The following CDH13 variants were observed in gnomAD, a reference collection of about 807,000 sequenced individuals.
CDH13 encodes cadherin 13.
CDH13 carries 24 observed loss-of-function variants against 63.8 expected under a neutral mutation model. That is an observed-to-expected ratio of 0.38 (90% CI 0.27 to 0.53). The LOEUF (loss-of-function observed/expected upper bound fraction) is 0.53, where lower values mean the gene tolerates loss of function less well. Ranked by LOEUF, CDH13 falls within the 20% of genes least tolerant of loss-of-function variation. The pLI is 0.85. For synonymous variants in CDH13, 503 were observed against 355.3 expected (o/e 1.42, Z -4.67); for missense variants, 1,049 against 903.1 (o/e 1.16, Z -2.07).
chr16:83,021,935 A>G (rs186070303), intron 2 of CDH13, among the ~76,000 whole-genome samples: 3 of 152,202 alleles, frequency 2.0e-5, no homozygotes, highest in African/African-American at 4.8e-5. Flanking sequence ...ATCTGACCCA[A>G]TGTGGGTGGA....
intron 8 of CDH13, among the ~76,000 whole-genome samples, chr16:83,605,404 A>T (rs1157578371): frequency 6.6e-6 from 1 of 152,180 alleles, no homozygotes; most frequent in African/African-American, 2.4e-5. Context: ...GGATAGTAAC[A>T]CTGCTGGGGG....
intron 3 of CDH13, among the ~76,000 whole-genome samples, chr16:83,056,386 GAAACA>G (rs1443401931): frequency 6.6e-6 from 1 of 151,036 alleles, no homozygotes; most frequent in Non-Finnish European, 1.5e-5. Flanking sequence ...CTAAAAACTG[GAAACA>G]ACTCAAAAGT....
intron 5 of CDH13, among the ~76,000 whole-genome samples, chr16:83,290,164 T>A (rs2089431276): frequency 6.6e-6 from 1 of 152,210 alleles, no homozygotes; most frequent in Non-Finnish European, 1.5e-5. Flanking sequence ...TTCTCCTCCT[T>A]GCTGCTGTGC....
Position 83,047,006 on chromosome 16 carries a change from T to G in CDH13, c.366+14788T>G, listed in dbSNP as rs111377717. 1.7e-3 allele frequency among the ~76,000 whole-genome samples: 262 copies of G among 152,324 alleles called. 1 individual carries two copies. Among genetic ancestry groups the G allele is most frequent in the African/African-American group, 6.1e-3 (252 of 41,580 alleles). ...GATGGTTTCCTCAACTGTCTATCTT[T>G]CTGCAGCAAATCCTTTGACAGAGAA... On this transcript the variant is annotated intron_variant, in intron 3 of 13. Transcript: ENST00000567109. This position sits in a 1 kb window ranked among gnomAD's most constrained non-coding sequence, Gnocchi z 4.9.
chr16:83,478,162 A>AAAC (rs2073658368), intron 6 of CDH13, among the ~76,000 whole-genome samples: 1 of 151,096 alleles, frequency 6.6e-6, no homozygotes, highest in African/African-American at 2.4e-5. Context: ...TCCGTCTCAA[A>AAAC]AAAAAAAAAA....
chr16:83,301,296 G>C (rs1049249772), intron 5 of CDH13, among the ~76,000 whole-genome samples: 2 of 152,072 alleles, frequency 1.3e-5, no homozygotes, highest in South Asian at 2.1e-4. Flanking sequence ...CTCCCAAAGT[G>C]CAGGGATTAC....
At chr16:83,164,175 T>G (rs8057098) in intron 4 of CDH13, among the ~76,000 whole-genome samples, 33,117 of 152,016 alleles carry the variant, frequency 0.22, 4,997 homozygotes, top group African/African-American at 0.43. Flanking sequence ...AGTGGTTAGT[T>G]CTTTACATGC....
intron 4 of CDH13, among the ~76,000 whole-genome samples, chr16:83,214,332 C>A (rs892533912): frequency 1.1e-4 from 16 of 151,972 alleles, no homozygotes; most frequent in Non-Finnish European, 1.3e-4. Context: ...GTAATCCCAG[C>A]ACTTTGGGAG....
intron 2 of CDH13, among the ~76,000 whole-genome samples, chr16:82,918,883 C>T (rs1225258295): frequency 6.6e-6 from 1 of 151,994 alleles, no homozygotes; most frequent in Non-Finnish European, 1.5e-5. Flanking sequence ...ATAAAGCCAC[C>T]CAGAGTATAT....
Position 83,224,070 on chromosome 16 carries a change from A to G in CDH13, c.636+6573A>G, listed in dbSNP as rs142350658. Among the ~76,000 whole-genome samples the G allele has an allele frequency of 2.3e-3, 353 of 152,324 alleles. 1 individual carries two copies. The highest frequency in any genetic ancestry group is 6.6e-3 in the African/African-American group (276 of 41,570). ...CATCCTCACAACTTAGCTCCTAATT[A>G]TGAGTGAGAACATATGATGTTTGGT... is the stretch of plus-strand genomic sequence containing the variant. On this transcript the variant is annotated intron_variant, in intron 5 of 13. Coordinates refer to ENST00000567109, the MANE Select transcript of CDH13 (RefSeq NM_001257.5).
chr16:83,562,187 G>A lies in CDH13; in HGVS notation c.961-40267G>A, dbSNP rs549712781. Among the ~76,000 whole-genome samples the A allele has an allele frequency of 6.6e-5, 10 of 152,256 alleles. 1 individual carries two copies. In the East Asian group the frequency reaches 1.9e-3, roughly 29 times the overall value. ...AGGCTCTGACATAGTGGAACTCTGG[G>A]TGCCAAAGGGATAGTTCAGAACAGG... On this transcript the variant is annotated intron_variant, in intron 7 of 13. Coordinates refer to ENST00000567109, the MANE Select transcript of CDH13 (RefSeq NM_001257.5).
At chr16:82,701,175 C>T (rs74028558) in intron 1 of CDH13, among the ~76,000 whole-genome samples, 10,488 of 152,138 alleles carry the variant, frequency 0.069, 585 homozygotes, top group African/African-American at 0.16. Context: ...TCACCTTCTA[C>T]TAATATTAGC....
intron 2 of CDH13, among the ~76,000 whole-genome samples, chr16:82,990,831 G>A (rs1455527984): frequency 6.6e-6 from 1 of 152,142 alleles, no homozygotes; most frequent in Non-Finnish European, 1.5e-5. Context: ...GTGAGCCACT[G>A]TGCCCCACAG....
chr16:83,390,356 G>C (rs1302284966), intron 6 of CDH13, among the ~76,000 whole-genome samples: 5 of 152,108 alleles, frequency 3.3e-5, no homozygotes, highest in Non-Finnish European at 7.3e-5. Context: ...AATTTACGTA[G>C]ATACTATGGA....
Position 82,644,885 on chromosome 16 carries a change from G to T in CDH13, c.45+17748G>T, listed in dbSNP as rs757730151. Among the ~76,000 whole-genome samples the T allele has an allele frequency of 6.6e-6, 1 of 152,182 alleles. No homozygotes were observed. The highest frequency in any genetic ancestry group is 2.4e-5 in the African/African-American group (1 of 41,440). The stretch of plus-strand genomic sequence containing the variant: ...TGAAGAGATACTGGTTCCATGGGAG[G>T]TTAATATGGGTTCTGGGGAAAAAAA... On this transcript the variant is annotated intron_variant, in intron 1 of 13. Transcript: ENST00000567109. This position sits in a 1 kb window ranked among gnomAD's most constrained non-coding sequence, Gnocchi z 5.7.
At chr16:83,236,884 C>G (rs2040160314) in intron 5 of CDH13, among the ~76,000 whole-genome samples, 1 of 151,976 alleles carries the variant, frequency 6.6e-6, no homozygotes, top group Non-Finnish European at 1.5e-5. Context: ...TGGAACTAGA[C>G]AGAGGTGGTG....
At chr16:83,457,647 AGAGATGAGTTCAGGGCTT>A (rs772360890) in intron 6 of CDH13, among the ~76,000 whole-genome samples, 58 of 152,268 alleles carry the variant, frequency 3.8e-4, no homozygotes, top group Non-Finnish European at 4.9e-4. Flanking sequence ...TCTGCTTTAG[AGAGATGAGTTCAGGGCTT>A]GAGGCTGAAA....
At chr16:83,534,615 G>C (rs576848730) in intron 7 of CDH13, among the ~76,000 whole-genome samples, 95 of 152,178 alleles carry the variant, frequency 6.2e-4, no homozygotes, top group African/African-American at 2.3e-3. Context: ...TGTAAGGTAC[G>C]TCATAGTGTT....
chr16:82,764,419 T>A (rs1337535876), intron 1 of CDH13, among the ~76,000 whole-genome samples: 3 of 152,076 alleles, frequency 2.0e-5, no homozygotes, highest in Non-Finnish European at 4.4e-5. Context: ...AAACTAGAAA[T>A]GGAAAGGGAA....
Sources: gnomAD v4.1 joint callset for allele counts (sites outside exome capture counted in the v4.1 genomes callset) on GRCh38, gnomAD v4.1.1 for gene constraint, Gnocchi (gnomAD v3.1) non-coding constraint, MANE v1.5 for transcripts, NCBI Gene and HGNC (gene_info 2026-07-23, HGNC 2026-07-21) for gene names.